Variants in NEB observed in about 807,000 individuals in gnomAD.
NEB encodes the protein nebulin.
A neutral mutation model predicts 952.2 loss-of-function variants in NEB; 512 were observed. That is an observed-to-expected ratio of 0.54 (90% CI 0.50 to 0.58). The LOEUF is 0.58. Ranked by LOEUF, NEB falls within the 20% of genes least tolerant of loss-of-function variation. The pLI, the probability that NEB is intolerant of heterozygous loss-of-function variation, is 0.00. For synonymous variants in NEB, 2,900 were observed against 3,149.8 expected (o/e 0.92, Z 2.66); for missense variants, 8,428 against 9,231.1 (o/e 0.91, Z 3.56).
intron 41 of NEB, 60 bp downstream of exon 41, chr2:151,666,030 G>A (rs1575588842): frequency 2.7e-6 from 4 of 1,501,924 alleles, no homozygotes; most frequent in Middle Eastern, 2.4e-4. Context: ...GGAGTAAGTG[G>A]CTCCTGTTTT....
At chr2:151,612,510 A>G (rs1434824067) in intron 77 of NEB, 121 bp from the exon 78 acceptor site, 5 of 1,003,434 alleles carry the variant, frequency 5.0e-6, no homozygotes, top group Non-Finnish European at 7.4e-6. Context: ...ATTTCTGGGA[A>G]GACCCACAGG....
intron 51 of NEB, 66 bp downstream of exon 51, chr2:151,655,203 GT>G: frequency 1.1e-6 from 1 of 936,034 alleles, no homozygotes; most frequent in Non-Finnish European, 1.6e-6. Context: ...AGTATTTACT[GT>G]TACATTATTT....
At chr2:151,686,430 A>C (rs2099499008) in intron 27 of NEB, among the ~76,000 whole-genome samples, 1 of 152,218 alleles carries the variant, frequency 6.6e-6, no homozygotes. Context: ...AAAGATAAAA[A>C]TACACATGCT....
At chr2:151,714,669 T>C (rs2099754405) in intron 10 of NEB, among the ~76,000 whole-genome samples, 1 of 152,170 alleles carries the variant, frequency 6.6e-6, no homozygotes, top group Admixed American at 6.5e-5. Context: ...GGAGACATGA[T>C]TCAACAAGGG....
chr2:151,631,772 T>C (rs2098672463), intron 65 of NEB, among the ~76,000 whole-genome samples: 1 of 152,216 alleles, frequency 6.6e-6, no homozygotes, highest in African/African-American at 2.4e-5. Context: ...ATTTATGACA[T>C]GTAGAAATGT....
At chr2:151,489,933 T>A in intron 181 of NEB, 38 bp downstream of exon 181, 1 of 1,483,320 alleles carries the variant, frequency 6.7e-7, no homozygotes, top group Middle Eastern at 1.7e-4. Context: ...TATCAAAAAT[T>A]AAGAATAATT....
chr2:151,575,341 T>G (rs1354547091), intron 107 of NEB, among the ~76,000 whole-genome samples: 1 of 152,230 alleles, frequency 6.6e-6, no homozygotes, highest in Non-Finnish European at 1.5e-5. Context: ...AATTCATATA[T>G]TTTTACAAAG....
intron 8 of NEB, 107 bp from the exon 9 acceptor site, chr2:151,723,593 G>A (rs925116786): frequency 4.2e-5 from 30 of 708,306 alleles, no homozygotes; most frequent in Admixed American, 3.2e-4. Flanking sequence ...AGGGCCAGGT[G>A]AGAGCAAAGG....
At chr2:151,653,573 G>C (rs2099055175) in intron 52 of NEB, among the ~76,000 whole-genome samples, 1 of 152,124 alleles carries the variant, frequency 6.6e-6, no homozygotes, top group Non-Finnish European at 1.5e-5. Flanking sequence ...TGAAATAACT[G>C]ACAGCCTATT....
In NEB at chr2:151,610,529, T is replaced by G. The variant is rs1457058013; in HGVS notation, c.12005A>C (p.Asp4002Ala). 1.2e-5 allele frequency: 19 copies of G among 1,610,280 alleles called. 1 individual carries two copies. The South Asian group carries it at 2.1e-4, about 18-fold the overall frequency. The change falls in exon 80 of 182, where the codon GAC becomes GCC. Residue 4002 changes from aspartate to alanine, a missense_variant. Around this residue, in one of 11 missense-constraint regions of NEB, gnomAD observed 337 missense variants for 297.5 expected, o/e 1.13. Transcript: ENST00000397345. The part of the protein sequence containing the change: ...ISIKSAKASR[D>A]IASDYKYKEA... ...GAAGGTACTCACGTCACTGGCGATG[T>G]CCCTGGAGGCCTTGGCACTTTTGAT... is the stretch of plus-strand genomic sequence containing the variant.
chr2:151,646,882 T>C (rs938429826), intron 54 of NEB, among the ~76,000 whole-genome samples: 7 of 152,276 alleles, frequency 4.6e-5, no homozygotes, highest in Non-Finnish European at 1.0e-4. Context: ...ACTCCCCACC[T>C]CAGCCTCCCA....
intron 113 of NEB, 100 bp from the exon 114 acceptor site, chr2:151,567,579 C>G (rs182569323): frequency 3.4e-6 from 4 of 1,165,438 alleles, no homozygotes; most frequent in Non-Finnish European, 4.7e-6. Flanking sequence ...TTCAGCCCCC[C>G]AGCTTTTTGT....
intron 160 of NEB, 74 bp downstream of exon 160, chr2:151,513,506 G>T: frequency 1.9e-6 from 2 of 1,070,240 alleles, no homozygotes; most frequent in Non-Finnish European, 2.8e-6. Flanking sequence ...TAAATCAGAT[G>T]ACAGAGGGAC....
chr2:151,695,623 A>C lies in NEB; in HGVS notation c.1629T>G (p.Thr543=), dbSNP rs1170442769. ...EKFKCHIPPD[T]PAFIQHKVNA... is the part of the protein sequence containing the mutation. ...TGACTTTGTGCTGGATAAAAGCAGG[A>C]GTATCAGGGGGGATATGGCACTTGA... The change falls in exon 18 of 182, where the codon ACT becomes ACG. Residue 543 remains threonine, a synonymous_variant. Coordinates refer to ENST00000397345, the MANE Select transcript of NEB (RefSeq NM_001164508.2). 1 of 1,613,936 alleles carries C rather than the reference A, an allele frequency of 6.2e-7. No individual in the cohort carries two copies. Among genetic ancestry groups the C allele is most frequent in the South Asian group, 1.1e-5 (1 of 91,054 alleles).
chr2:151,614,288 G>A lies in NEB; in HGVS notation c.11589C>T (p.Asp3863=), dbSNP rs372772607. Reference sequence around the variant, plus strand: ...TAGAGCCACTCACATCACTCTGCAGGTCATAGGCCTTCCGAGCCTGAATGA... The same window carrying A: ...TAGAGCCACTCACATCACTCTGCAGATCATAGGCCTTCCGAGCCTGAATGA... ...NDVIQARKAY[D]LQSDAIYKSD... The change falls in exon 77 of 182, where the codon GAC becomes GAT. Residue 3863 remains aspartate, a synonymous_variant. Transcript: ENST00000397345. 1.9e-5 allele frequency: 30 copies of A among 1,613,636 alleles called. No homozygotes were observed. Among genetic ancestry groups the A allele is most frequent in the Non-Finnish European group, 2.5e-5 (29 of 1,179,722 alleles).
chr2:151,712,691 T>G (rs1455359940), intron 10 of NEB, among the ~76,000 whole-genome samples: 1 of 152,030 alleles, frequency 6.6e-6, no homozygotes, highest in Non-Finnish European at 1.5e-5. Context: ...GGAGAGAATT[T>G]GAAAGGACAA....
intron 180 of NEB, 62 bp from the exon 181 acceptor site, chr2:151,490,139 G>C (rs2055055571): frequency 1.5e-6 from 2 of 1,330,302 alleles, no homozygotes; most frequent in South Asian, 2.7e-5. Context: ...TTTAATCTGT[G>C]TTTAGCAGCT....
At chr2:151,716,039 T>C (rs2099758040) in intron 10 of NEB, 3 of 328,362 alleles carry the variant, frequency 9.1e-6, no homozygotes, top group Non-Finnish European at 1.2e-5. Flanking sequence ...TTTTTCTTTC[T>C]AAATGACCAC....
At chr2:151,624,005 G>C (rs989855525) in intron 71 of NEB, among the ~76,000 whole-genome samples, 7 of 152,118 alleles carry the variant, frequency 4.6e-5, no homozygotes, top group Admixed American at 4.6e-4. Context: ...ATAAGTAAAT[G>C]AGAATTTAAG....
Sources: gnomAD v4.1 joint callset for allele counts (sites outside exome capture counted in the v4.1 genomes callset) on GRCh38, gnomAD v4.1.1 for gene constraint, gnomAD v4.1.1 regional missense constraint, MANE v1.5 for transcripts, NCBI Gene and HGNC (gene_info 2026-07-23, HGNC 2026-07-21) for gene names.